PRKCA: variants seen among roughly 807,000 people sequenced by gnomAD.
The protein encoded by PRKCA is protein kinase C alpha.
In PRKCA, 27 loss-of-function variants were observed where a neutral mutation model predicts 87.0. The ratio of observed to expected loss-of-function variants is 0.31; its 90% confidence interval spans 0.23 to 0.43. The LOEUF is 0.43. Ranked by LOEUF, PRKCA falls within the 20% of genes least tolerant of loss-of-function variation. PRKCA has a pLI of 1.00. For synonymous variants in PRKCA, 329 were observed against 311.1 expected (o/e 1.06, Z -0.61); for missense variants, 518 against 852.3 (o/e 0.61, Z 4.88).
intron 13 of PRKCA, among the ~76,000 whole-genome samples, chr17:66,763,037 C>T (rs1228793161): frequency 1.3e-5 from 2 of 152,216 alleles, no homozygotes; most frequent in African/African-American, 4.8e-5. Context: ...GTGATCCTAT[C>T]GCCTTGGCCT....
intron 3 of PRKCA, among the ~76,000 whole-genome samples, chr17:66,620,684 A>G (rs1001281024): frequency 1.3e-5 from 2 of 152,202 alleles, no homozygotes; most frequent in Non-Finnish European, 2.9e-5. Flanking sequence ...GATTCTATCT[A>G]AGAAGTCAAA....
At chr17:66,619,767 C>T (rs1381703100) in intron 3 of PRKCA, among the ~76,000 whole-genome samples, 1 of 152,184 alleles carries the variant, frequency 6.6e-6, no homozygotes, top group Non-Finnish European at 1.5e-5. Context: ...AGTGTATTAT[C>T]TTCCCTTTAA....
chr17:66,363,110 G>A (rs1014255333), intron 2 of PRKCA, among the ~76,000 whole-genome samples: 1 of 152,158 alleles, frequency 6.6e-6, no homozygotes, highest in African/African-American at 2.4e-5. Context: ...CCCAGCAGTT[G>A]TACATCCTTT....
At chr17:66,345,651 C>T (rs750151138) in intron 2 of PRKCA, among the ~76,000 whole-genome samples, 3 of 151,974 alleles carry the variant, frequency 2.0e-5, no homozygotes, top group South Asian at 2.1e-4. Context: ...GCTGACTGTA[C>T]GACAGTCCTG....
intron 3 of PRKCA, among the ~76,000 whole-genome samples, chr17:66,518,960 T>C (rs1967064664): frequency 6.6e-6 from 1 of 152,196 alleles, no homozygotes; most frequent in Non-Finnish European, 1.5e-5. Flanking sequence ...TGTTGTGCTA[T>C]GATGCGTACA....
intron 14 of PRKCA, chr17:66,775,755 C>T: frequency 1.0e-6 from 1 of 985,194 alleles, no homozygotes. Context: ...ATTCACTCAC[C>T]ACGTATTTAT....
intron 3 of PRKCA, among the ~76,000 whole-genome samples, chr17:66,551,664 T>G (rs1016618392): frequency 6.6e-6 from 1 of 152,134 alleles, no homozygotes; most frequent in Admixed American, 6.5e-5. Flanking sequence ...GTTTGAACAC[T>G]TAAGTACCAG....
In PRKCA at chr17:66,742,747, A is replaced by G. The variant is rs2144237512; in HGVS notation, c.1511A>G (p.Tyr504Cys). 2.5e-6 allele frequency: 4 copies of G among 1,613,960 alleles called. No homozygotes were observed. Among genetic ancestry groups the G allele is most frequent in the Non-Finnish European group, 3.4e-6 (4 of 1,179,996 alleles). ...TTRTFCGTPD[Y>C]IAPEIIAYQP... is the part of the protein sequence containing the mutation. ...AGGACCTTCTGTGGGACTCCAGATT[A>G]TATCGCCCCAGAGGTAGGAACCCCA... Residue 504 changes from tyrosine to cysteine, a missense_variant, in exon 13 of 17, where the codon TAT becomes TGT. Transcript: ENST00000413366.
At position 66,559,277 on chromosome 17, in the gene PRKCA, C is replaced by A. The variant is rs146403428; in HGVS notation, c.288+62994C>A. On this transcript the variant is annotated intron_variant, in intron 3 of 16. Transcript: ENST00000413366. ...CACGAGGTCAGGAGTTCAAGACCAG[C>A]CTGGCCAAGATGGTGAAACCCTGTC... Among the ~76,000 whole-genome samples the A allele has an allele frequency of 7.4e-3, 1,130 of 151,728 alleles. 18 individuals are homozygous for A. Among genetic ancestry groups the A allele is most frequent in the African/African-American group, 0.026 (1,059 of 41,380 alleles).
chr17:66,312,768 A>C (rs1905144133), intron 2 of PRKCA, among the ~76,000 whole-genome samples: 4 of 116,940 alleles, frequency 3.4e-5, no homozygotes, highest in Admixed American at 1.2e-4. Context: ...ACAGAGTGTC[A>C]CTCTGTCACC....
At chr17:66,433,973 C>G (rs957991761) in intron 2 of PRKCA, among the ~76,000 whole-genome samples, 15 of 152,086 alleles carry the variant, frequency 9.9e-5, no homozygotes, top group African/African-American at 3.6e-4. Flanking sequence ...GGTCAGGCTT[C>G]CTCAGTTTGT....
intron 3 of PRKCA, among the ~76,000 whole-genome samples, chr17:66,539,771 C>G (rs1967917505): frequency 6.6e-6 from 1 of 152,144 alleles, no homozygotes. Flanking sequence ...CCTCATCGTA[C>G]CCAGAGAGAT....
intron 2 of PRKCA, among the ~76,000 whole-genome samples, chr17:66,330,404 G>C (rs1906261071): frequency 6.6e-6 from 1 of 152,104 alleles, no homozygotes; most frequent in South Asian, 2.1e-4. Context: ...ATCGCACCTG[G>C]CCCCTGGAGA....
intron 3 of PRKCA, among the ~76,000 whole-genome samples, chr17:66,563,254 T>G (rs1486887155): frequency 6.6e-6 from 1 of 152,164 alleles, no homozygotes; most frequent in Non-Finnish European, 1.5e-5. Flanking sequence ...TTTGGACAAA[T>G]GTGTCATGGC....
At chr17:66,566,480 G>GTTTTTTTTTTTTTTT (rs56912157) in intron 3 of PRKCA, among the ~76,000 whole-genome samples, 1 of 97,034 alleles carries the variant, frequency 1.0e-5, no homozygotes, top group Non-Finnish European at 2.0e-5. Flanking sequence ...TTGTTTTTTG[G>GTTTTTTTTTTTTTTT]TTTTTTTTTT....
At chr17:66,308,912 G>C (rs1904957986) in intron 2 of PRKCA, among the ~76,000 whole-genome samples, 1 of 150,968 alleles carries the variant, frequency 6.6e-6, no homozygotes, top group African/African-American at 2.4e-5. Context: ...GGTTTTGTTT[G>C]ATAGAACATC....
chr17:66,719,257 G>A (rs1384348559), intron 8 of PRKCA, among the ~76,000 whole-genome samples: 1 of 152,040 alleles, frequency 6.6e-6, no homozygotes, highest in Non-Finnish European at 1.5e-5. Flanking sequence ...ATATGATGCA[G>A]TCACTCAAAT....
intron 3 of PRKCA, among the ~76,000 whole-genome samples, chr17:66,501,894 TC>T (rs1313049734): frequency 1.3e-5 from 2 of 152,150 alleles, no homozygotes; most frequent in African/African-American, 4.8e-5. Flanking sequence ...TGCCCATGCT[TC>T]TTTGGCTGCC....
chr17:66,613,615 G>A (rs1277933717), intron 3 of PRKCA, among the ~76,000 whole-genome samples: 2 of 151,982 alleles, frequency 1.3e-5, no homozygotes, highest in Non-Finnish European at 2.9e-5. Context: ...GGGCCTCCCA[G>A]CAACCCCTGT....
Sources: gnomAD v4.1 joint callset for allele counts (sites outside exome capture counted in the v4.1 genomes callset) on GRCh38, gnomAD v4.1.1 for gene constraint, MANE v1.5 for transcripts, NCBI Gene and HGNC (gene_info 2026-07-23, HGNC 2026-07-21) for gene names.